PRKX: variants seen among roughly 807,000 people sequenced by gnomAD.
The protein encoded by PRKX is cAMP-dependent protein kinase catalytic subunit PRKX.
In PRKX, 12 loss-of-function variants were observed where a neutral mutation model predicts 22.0. That is an observed-to-expected ratio of 0.54 (90% CI 0.35 to 0.88). PRKX has a LOEUF of 0.88. Ranked by LOEUF, PRKX falls within the 40% of genes least tolerant of loss-of-function variation. The pLI is 0.01. For synonymous variants in PRKX, 134 were observed against 137.7 expected, an observed-to-expected ratio of 0.97 and a Z score of 0.19; for missense variants, 217 against 308.0, an observed-to-expected ratio of 0.70 and a Z score of 2.21.
intron 6 of PRKX, among the ~76,000 whole-genome samples, chrX:3,620,140 CCATGGCAGAACCATT>C (rs1425579403): frequency 8.9e-6 from 1 of 111,811 alleles, no homozygotes; most frequent in Non-Finnish European, 1.9e-5. Flanking sequence ...ACTCTCATGT[CCATGGCAGAACCATT>C]CACAAAAGCC....
chrX:3,627,304 C>A (rs1247459037), intron 4 of PRKX, among the ~76,000 whole-genome samples: 2 of 106,724 alleles, frequency 1.9e-5, no homozygotes, highest in East Asian at 6.1e-4. Flanking sequence ...ATCACTTGAA[C>A]CCGGAAGGTG....
At chrX:3,707,084 C>T (rs1928700579) in intron 1 of PRKX, among the ~76,000 whole-genome samples, 1 of 111,539 alleles carries the variant, frequency 9.0e-6, no homozygotes, top group Non-Finnish European at 1.9e-5. Flanking sequence ...CTGTTGATTG[C>T]ACCACGGCAC....
intron 2 of PRKX, among the ~76,000 whole-genome samples, chrX:3,664,193 C>A (rs1927672852): frequency 8.9e-6 from 1 of 111,912 alleles, no homozygotes; most frequent in Non-Finnish European, 1.9e-5. Context: ...GCATCCATGG[C>A]CCCTTTCCTC....
At chrX:3,627,424 C>A (rs1603473337) in intron 4 of PRKX, among the ~76,000 whole-genome samples, 1 of 102,017 alleles carries the variant, frequency 9.8e-6, no homozygotes, top group Non-Finnish European at 2.0e-5. Flanking sequence ...CACATACACA[C>A]AAAAATAAGA....
At chrX:3,701,886 G>C (rs1928583723) in intron 1 of PRKX, among the ~76,000 whole-genome samples, 1 of 111,661 alleles carries the variant, frequency 9.0e-6, no homozygotes, top group Non-Finnish European at 1.9e-5. Context: ...TACCCTATTT[G>C]GTCTAAAAAG....
At chrX:3,704,359 T>C (rs1430498536) in intron 1 of PRKX, among the ~76,000 whole-genome samples, 1 of 112,178 alleles carries the variant, frequency 8.9e-6, no homozygotes, top group Non-Finnish European at 1.9e-5. Flanking sequence ...GATTTGCTTC[T>C]GGGATTCTAA....
chrX:3,693,283 G>T (rs964216926), intron 1 of PRKX, among the ~76,000 whole-genome samples: 3 of 111,638 alleles, frequency 2.7e-5, no homozygotes, highest in African/African-American at 9.8e-5. Context: ...GTCAGGGAAG[G>T]CCTCTTTAAG....
rs1294393782 is a variant in PRKX at position 3,606,082 on chromosome X, G to A, written c.*2887C>T. The A allele has an allele frequency of 3.6e-5, 4 of 112,447 alleles. No homozygotes were observed. Among genetic ancestry groups the A allele is most frequent in the Middle Eastern group, 4.6e-3 (1 of 217 alleles). The allele number at this position is 112,447 out of a possible 1,213,427, so 9.3% of individuals were successfully genotyped here. On this transcript the variant is annotated 3_prime_UTR_variant, in exon 9 of 9. Coordinates refer to ENST00000262848, the MANE Select transcript of PRKX (RefSeq NM_005044.5). ...GACTTGCCCCAATACACTTCTTCTT[G>A]TAACATATCCATGTCCTATTCTCTT... is the stretch of plus-strand genomic sequence containing the variant.
chrX:3,686,091 G>A (rs1446390371), intron 1 of PRKX, among the ~76,000 whole-genome samples: 2 of 111,715 alleles, frequency 1.8e-5, no homozygotes, highest in Non-Finnish European at 3.8e-5. Flanking sequence ...CAGAGCTGGT[G>A]TGTGTTTCTT....
chrX:3,692,080 T>C (rs1453242526), intron 1 of PRKX, among the ~76,000 whole-genome samples: 3 of 14,382 alleles, frequency 2.1e-4, no homozygotes, highest in Non-Finnish European at 3.9e-4. Context: ...ACAGATGGGA[T>C]GGGTGGAGGG....
intron 5 of PRKX, among the ~76,000 whole-genome samples, chrX:3,623,178 G>A (rs1037955577): frequency 6.4e-5 from 7 of 109,702 alleles, no homozygotes; most frequent in African/African-American, 2.3e-4. Context: ...GTGTGTGTGT[G>A]TGTGTGTGTC....
chrX:3,608,408 G>A lies in PRKX; in HGVS notation c.*561C>T, dbSNP rs1364402214. 1 of 110,134 alleles carries A rather than the reference G, an allele frequency of 9.1e-6. No homozygotes were observed. The allele number at this position is 110,134 out of a possible 1,213,427, so 9.1% of individuals were successfully genotyped here. A position where few individuals can be genotyped will look rare whatever the true frequency, so the allele number is the denominator to read the frequency against. ...CAAAACTATAAAATGCATGTGAGAT[G>A]ATTTTTTTTAATGCATGCAACATAC... On this transcript the variant is annotated 3_prime_UTR_variant, in exon 9 of 9. Transcript: ENST00000262848.
chrX:3,668,893 T>C lies in PRKX; in HGVS notation c.335+5705A>G, dbSNP rs768224698. 5.3e-5 allele frequency among the ~76,000 whole-genome samples: 6 copies of C among 112,512 alleles called. No individual in the cohort carries two copies. In the South Asian group the frequency reaches 2.2e-3, roughly 41 times the overall value. On this transcript the variant is annotated intron_variant, in intron 2 of 8. Transcript: ENST00000262848. Reference sequence around the variant, plus strand: ...GTCTGTGCATCCGCTACAGTGGGTGTCAATGGAGCTGATTCTGCTCCCCAC... The same window carrying C: ...GTCTGTGCATCCGCTACAGTGGGTGCCAATGGAGCTGATTCTGCTCCCCAC...
intron 3 of PRKX, among the ~76,000 whole-genome samples, chrX:3,651,602 T>C (rs1927335833): frequency 9.0e-6 from 1 of 111,681 alleles, no homozygotes; most frequent in Non-Finnish European, 1.9e-5. Context: ...AAACGCATCA[T>C]AAAATTTTCC....
At chrX:3,694,938 C>T (rs1928416037) in intron 1 of PRKX, among the ~76,000 whole-genome samples, 1 of 112,093 alleles carries the variant, frequency 8.9e-6, no homozygotes, top group Admixed American at 9.5e-5. Context: ...CACAATCCTG[C>T]CTGCACTTTG....
At chrX:3,692,558 C>G (rs761678066) in intron 1 of PRKX, among the ~76,000 whole-genome samples, 3 of 98,620 alleles carry the variant, frequency 3.0e-5, no homozygotes, top group African/African-American at 1.1e-4. Context: ...GACGGAGTCT[C>G]GCTCTGTCAC....
chrX:3,636,921 G>A (rs775433723), intron 4 of PRKX, among the ~76,000 whole-genome samples: 20 of 106,719 alleles, frequency 1.9e-4, no homozygotes, highest in Non-Finnish European at 3.7e-4. Context: ...AGAGCGAGGC[G>A]GAACAGAAAG....
At chrX:3,631,496 C>A (rs1406655236) in intron 4 of PRKX, among the ~76,000 whole-genome samples, 5 of 108,384 alleles carry the variant, frequency 4.6e-5, no homozygotes, top group Non-Finnish European at 9.6e-5. Flanking sequence ...CCTAGAGCCT[C>A]CAGAGGGAAC....
chrX:3,613,824 G>C (rs1205998938), intron 7 of PRKX, among the ~76,000 whole-genome samples: 1 of 79,340 alleles, frequency 1.3e-5, no homozygotes, highest in African/African-American at 5.1e-5. Flanking sequence ...ACTACACCCC[G>C]AGCCTGAGCG....
Sources: allele counts gnomAD v4.1 joint callset (sites outside exome capture counted in the v4.1 genomes callset), GRCh38; gene constraint gnomAD v4.1.1; transcripts MANE v1.5; gene names NCBI Gene and HGNC (gene_info 2026-07-23, HGNC 2026-07-21).